Variants in CUL3 observed in about 807,000 individuals in gnomAD.
The protein encoded by CUL3 is cullin-3.
A neutral mutation model predicts 89.1 loss-of-function variants in CUL3; 19 were observed. The ratio of observed to expected loss-of-function variants is 0.21; its 90% confidence interval spans 0.15 to 0.31. CUL3 has a LOEUF of 0.31. Ranked by LOEUF, CUL3 falls within the 10% of genes least tolerant of loss-of-function variation. The pLI is 1.00. For synonymous variants in CUL3, 351 were observed against 308.4 expected, an observed-to-expected ratio of 1.14 and a Z score of -1.45; for missense variants, 469 against 942.3, an observed-to-expected ratio of 0.50 and a Z score of 6.58.
intron 1 of CUL3, among the ~76,000 whole-genome samples, chr2:224,561,775 C>CCATGTAATAATGATGGCCT (rs2106311806): frequency 6.6e-6 from 1 of 152,216 alleles, no homozygotes; most frequent in Admixed American, 6.5e-5. Flanking sequence ...AGATTCAAGG[C>CCATGTAATAATGATGGCCT]CATGTAATAA....
chr2:224,568,425 T>C (rs1695099704), intron 1 of CUL3, among the ~76,000 whole-genome samples: 1 of 152,232 alleles, frequency 6.6e-6, no homozygotes, highest in South Asian at 2.1e-4. Context: ...ACACAGAAGG[T>C]TGTAAACAAA....
At chr2:224,571,032 T>A (rs533480317) in intron 1 of CUL3, among the ~76,000 whole-genome samples, 61 of 152,302 alleles carry the variant, frequency 4.0e-4, no homozygotes, top group Non-Finnish European at 8.4e-4. Context: ...TGTATAACAT[T>A]TCAAAATGTG....
chr2:224,568,259 G>C (rs1182107007), intron 1 of CUL3, among the ~76,000 whole-genome samples: 1 of 152,162 alleles, frequency 6.6e-6, no homozygotes, highest in Admixed American at 6.6e-5. Context: ...ATAAACTGTA[G>C]TGTATTTTCG....
intron 8 of CUL3, 55 bp downstream of exon 8, chr2:224,505,901 A>C: frequency 8.4e-7 from 1 of 1,185,614 alleles, no homozygotes. Context: ...TTTTACATAT[A>C]ATTTTATATC....
intron 1 of CUL3, among the ~76,000 whole-genome samples, chr2:224,567,039 G>C (rs1051630980): frequency 6.6e-6 from 1 of 152,056 alleles, no homozygotes. Context: ...TCTGCTTTTT[G>C]GGAGCACTTC....
At chr2:224,533,045 A>C (rs1351847392) in intron 3 of CUL3, 1 of 152,252 alleles carries the variant, frequency 6.6e-6, no homozygotes, top group Admixed American at 6.5e-5. Context: ...GAGGAAACCC[A>C]AGGGAGAGAT....
chr2:224,567,619 C>T (rs1006991089), intron 1 of CUL3, among the ~76,000 whole-genome samples: 7 of 151,528 alleles, frequency 4.6e-5, no homozygotes, highest in African/African-American at 1.7e-4. Context: ...GGGCGCCTGT[C>T]GTCCCAGCTA....
intron 2 of CUL3, among the ~76,000 whole-genome samples, chr2:224,543,831 A>C (rs540088903): frequency 2.3e-3 from 352 of 152,106 alleles, no homozygotes; most frequent in Non-Finnish European, 2.9e-3. Flanking sequence ...CAAAAATATA[A>C]ACAATTAGCT....
intron 1 of CUL3, among the ~76,000 whole-genome samples, chr2:224,584,005 T>C (rs538706575): frequency 2.3e-4 from 35 of 152,368 alleles, no homozygotes; most frequent in South Asian, 1.2e-3. Context: ...TGTAGCGACA[T>C]AGGCAAGTAT....
intron 3 of CUL3, among the ~76,000 whole-genome samples, chr2:224,526,404 G>C (rs1191935333): frequency 6.6e-6 from 1 of 151,892 alleles, no homozygotes; most frequent in Non-Finnish European, 1.5e-5. Flanking sequence ...TGGCCAACGT[G>C]GTGAATCCCG....
chr2:224,549,878 GCACA>G (rs925475521), intron 2 of CUL3, among the ~76,000 whole-genome samples: 9 of 150,752 alleles, frequency 6.0e-5, no homozygotes, highest in South Asian at 2.1e-4. Context: ...ACACACACAC[GCACA>G]CACACACACG....
intron 6 of CUL3, among the ~76,000 whole-genome samples, chr2:224,509,497 C>G (rs375069526): frequency 6.6e-6 from 1 of 152,176 alleles, no homozygotes; most frequent in Admixed American, 6.5e-5. Context: ...AGATTACAGG[C>G]GTTTGCCACC....
rs148235874 is a variant in CUL3 at position 224,486,816 on chromosome 2, T to G, written c.1843-4738A>C. Reference sequence around the variant, plus strand: ...AGAGCAACCCCAAGACACATAATCATCAGATTCACCAAGGTTGAAATGAAG... The same window carrying G: ...AGAGCAACCCCAAGACACATAATCAGCAGATTCACCAAGGTTGAAATGAAG... On this transcript the variant is annotated intron_variant, in intron 13 of 15. Transcript: ENST00000264414. Among the ~76,000 whole-genome samples the G allele has an allele frequency of 1.8e-4, 27 of 152,006 alleles. No individual in the cohort carries two copies. In the East Asian group the frequency reaches 5.2e-3, roughly 29 times the overall value.
At position 224,585,176 on chromosome 2, in the gene CUL3, G is replaced by GGGCGGCGGCGGCGGC. The variant is rs552925358; in HGVS notation, c.-182_-168dup. 23 of 261,198 alleles carry GGGCGGCGGCGGCGGC rather than the reference G, an allele frequency of 8.8e-5. No individual in the cohort carries two copies. The South Asian group carries it at 2.7e-3, about 31-fold the overall frequency. The allele number at this position is 261,198 out of a possible 1,614,324, so 16.2% of individuals were successfully genotyped here. A position where few individuals can be genotyped will look rare whatever the true frequency, so the allele number is the denominator to read the frequency against. ...CCCTGGGCAGCCGCGGCGGCGGCGGGGGCGGCGGCGGCGGCGGCGGCGGCT... is the reference window on the plus strand; with the variant it reads ...CCCTGGGCAGCCGCGGCGGCGGCGGGGGCGGCGGCGGCGGCGGCGGCGGCGGCGGCGGCGGCGGCT... On this transcript the variant is annotated 5_prime_UTR_variant, in exon 1 of 16. Transcript: ENST00000264414.
At chr2:224,526,155 G>A (rs1476798297) in intron 3 of CUL3, among the ~76,000 whole-genome samples, 6 of 152,190 alleles carry the variant, frequency 3.9e-5, no homozygotes, top group African/African-American at 9.7e-5. Flanking sequence ...TAAATAACTT[G>A]AGCAAATTAA....
At chr2:224,512,742 A>G (rs563118157) in intron 5 of CUL3, among the ~76,000 whole-genome samples, 27 of 152,346 alleles carry the variant, frequency 1.8e-4, no homozygotes, top group African/African-American at 6.3e-4. Flanking sequence ...TTAAGTGACT[A>G]AAAGCCTGCA....
chr2:224,487,435 GC>G (rs1171138481), intron 13 of CUL3, among the ~76,000 whole-genome samples: 4 of 51,750 alleles, frequency 7.7e-5, no homozygotes, highest in South Asian at 6.4e-4. Context: ...TACCAAGCCC[GC>G]CCCCCCCAAA....
Position 224,557,880 on chromosome 2 carries a change from A to T in CUL3, c.67-24T>A, listed in dbSNP as rs752489494. The T allele has an allele frequency of 4.7e-6, 4 of 852,384 alleles. No individual in the cohort carries two copies. In the Admixed American group the frequency reaches 8.9e-5, roughly 19 times the overall value. The allele number at this position is 852,384 out of a possible 1,614,324, so 52.8% of individuals were successfully genotyped here. The stretch of plus-strand genomic sequence containing the variant: ...ATCTGTAATATCCAAGAGAGAGAAG[A>T]GACAAAAAAAAAAAAAAAAAAAAAA... On this transcript the variant is annotated intron_variant, in intron 1 of 15. Transcript: ENST00000264414.
Position 224,470,695 on chromosome 2 carries a change from T to G in CUL3, c.*3550A>C, listed in dbSNP as rs924536991. ...TCTTTTCAATGGACACATTCCAGAA[T>G]AGCAGCAATCACCTTCCCTGTTTTC... On this transcript the variant is annotated 3_prime_UTR_variant, in exon 16 of 16. Coordinates refer to ENST00000264414, the MANE Select transcript of CUL3 (RefSeq NM_003590.5). 9 of 231,708 alleles carry G rather than the reference T, an allele frequency of 3.9e-5. No homozygotes were observed. The highest frequency in any genetic ancestry group is 6.8e-5 in the Non-Finnish European group (8 of 117,226). The allele number at this position is 231,708 out of a possible 1,614,324, so 14.4% of individuals were successfully genotyped here. A position where few individuals can be genotyped will look rare whatever the true frequency, so the allele number is the denominator to read the frequency against.
Sources: gnomAD v4.1 joint callset for allele counts (sites outside exome capture counted in the v4.1 genomes callset) on GRCh38, gnomAD v4.1.1 for gene constraint, MANE v1.5 for transcripts, NCBI Gene and HGNC (gene_info 2026-07-23, HGNC 2026-07-21) for gene names.